CCDC146: variants seen among roughly 807,000 people sequenced by gnomAD.
The protein encoded by CCDC146 is coiled-coil domain containing 146, also known as coiled-coil domain-containing protein 146.
Under a neutral mutation model 119.3 loss-of-function variants are expected in CCDC146, and 92 were observed. The ratio of observed to expected loss-of-function variants is 0.77; its 90% CI spans 0.65 to 0.92. CCDC146 has a LOEUF of 0.92. CCDC146 is among the 40% of genes least tolerant of loss of function. The pLI is 0.00. For missense variants in CCDC146, 1,000 were observed against 1,103.0 expected (o/e 0.91, Z 1.32); for synonymous variants, 372 against 371.8 (o/e 1.00, Z -0.01).
chr7:77,273,542 A>G (rs1793566932), intron 9 of CCDC146, 152 bp from the exon 10 acceptor site: 1 of 339,654 alleles, frequency 2.9e-6, no homozygotes, highest in South Asian at 6.1e-5. Flanking sequence ...TTATTTTCAG[A>G]CAGAGTCTCA....
chr7:77,272,520 T>C (rs1241349986), intron 9 of CCDC146, among the ~76,000 whole-genome samples: 2 of 152,202 alleles, frequency 1.3e-5, no homozygotes, highest in Non-Finnish European at 2.9e-5. Context: ...TTTTGGCCAT[T>C]ATTCAACCTT....
At chr7:77,280,360 A>G in intron 13 of CCDC146, 69 bp from the exon 14 acceptor site, 1 of 1,248,686 alleles carries the variant, frequency 8.0e-7, no homozygotes. Flanking sequence ...TGTGTTTCAG[A>G]AGCCTTCATT....
chr7:77,240,979 TTTG>T, intron 3 of CCDC146, among the ~76,000 whole-genome samples: 2 of 150,000 alleles, frequency 1.3e-5, no homozygotes, highest in African/African-American at 5.0e-5. Context: ...TTTGTTTTTT[TTTG>T]TTTGTTTGTT....
intron 9 of CCDC146, among the ~76,000 whole-genome samples, chr7:77,268,019 A>G (rs1435659923): frequency 1.3e-5 from 2 of 152,208 alleles, no homozygotes; most frequent in African/African-American, 2.4e-5. Flanking sequence ...GGGAGTCTCA[A>G]TAGAGGGTAT....
chr7:77,151,866 A>T (rs1791113234), intron 1 of CCDC146, among the ~76,000 whole-genome samples: 1 of 152,172 alleles, frequency 6.6e-6, no homozygotes. Flanking sequence ...TGTCTGGTCC[A>T]CAAAGCTTTC....
At chr7:77,169,647 C>T (rs1348451940) in intron 2 of CCDC146, among the ~76,000 whole-genome samples, 1 of 152,184 alleles carries the variant, frequency 6.6e-6, no homozygotes, top group Non-Finnish European at 1.5e-5. Context: ...CATTCCTTCT[C>T]ATGCTATCAT....
chr7:77,214,576 A>G (rs1584079481), intron 2 of CCDC146, among the ~76,000 whole-genome samples: 1 of 152,272 alleles, frequency 6.6e-6, no homozygotes, highest in Non-Finnish European at 1.5e-5. Context: ...TCTTACATTC[A>G]AGTCTTTAAT....
At chr7:77,229,056 G>A (rs754932212) in intron 2 of CCDC146, among the ~76,000 whole-genome samples, 44 of 152,162 alleles carry the variant, frequency 2.9e-4, no homozygotes, top group Non-Finnish European at 5.7e-4. Context: ...GTTTTGATTT[G>A]CATTTCTCTA....
chr7:77,292,538 A>G (rs955484091), intron 17 of CCDC146, among the ~76,000 whole-genome samples: 1 of 150,164 alleles, frequency 6.7e-6, no homozygotes, highest in African/African-American at 2.5e-5. Context: ...AATGGCGTGA[A>G]CCTGGGAGGC....
At chr7:77,275,184 A>G (rs1472731583) in intron 11 of CCDC146, among the ~76,000 whole-genome samples, 1 of 152,144 alleles carries the variant, frequency 6.6e-6, no homozygotes, top group Non-Finnish European at 1.5e-5. Flanking sequence ...TAGAGTACTC[A>G]CAGAATACAA....
At chr7:77,201,313 A>C (rs746395968) in intron 2 of CCDC146, among the ~76,000 whole-genome samples, 3 of 151,900 alleles carry the variant, frequency 2.0e-5, no homozygotes, top group Non-Finnish European at 4.4e-5. Context: ...AGGCCGAGGC[A>C]TGTGGATCAC....
intron 2 of CCDC146, among the ~76,000 whole-genome samples, chr7:77,173,565 G>T (rs989527962): frequency 4.6e-5 from 7 of 152,280 alleles, no homozygotes; most frequent in African/African-American, 1.4e-4. Flanking sequence ...GGAGGCAGAG[G>T]TTGCAGTGAG....
chr7:77,208,036 T>C (rs1792111577), intron 2 of CCDC146, among the ~76,000 whole-genome samples: 1 of 152,176 alleles, frequency 6.6e-6, no homozygotes. Context: ...TGTGGTGCTT[T>C]AAGTTGTAGA....
At chr7:77,243,680 T>C (rs936724721) in intron 4 of CCDC146, among the ~76,000 whole-genome samples, 7 of 152,122 alleles carry the variant, frequency 4.6e-5, no homozygotes, top group Non-Finnish European at 7.4e-5. Context: ...TTTCTACTTA[T>C]GAAAAAAATA....
At chr7:77,154,153 G>C (rs1357813015) in intron 1 of CCDC146, among the ~76,000 whole-genome samples, 3 of 152,006 alleles carry the variant, frequency 2.0e-5, no homozygotes, top group Admixed American at 1.3e-4. Context: ...GGGGAGGTCC[G>C]AGGGGTTGAC....
Position 77,196,223 on chromosome 7 carries a change from G to A in CCDC146, c.156+28399G>A, listed in dbSNP as rs755727408. 23 of 1,289,138 alleles carry A rather than the reference G, an allele frequency of 1.8e-5. No individual in the cohort carries two copies. The highest frequency in any genetic ancestry group is 2.4e-5 in the Non-Finnish European group (22 of 919,956). 79.9% of individuals were successfully genotyped at this position (1,289,138 alleles called of 1,614,324 possible). On this transcript the variant is annotated intron_variant, in intron 2 of 18. Transcript: ENST00000285871. This position sits in a 1 kb window ranked among gnomAD's most constrained non-coding sequence, Gnocchi z 4.2. ...GAAACAAGGCATATTCTAAAGTGCT[G>A]AAGGAATTAATTGCCCTATTAGATA...
At chr7:77,205,742 A>G (rs1235632393) in intron 2 of CCDC146, among the ~76,000 whole-genome samples, 1 of 152,232 alleles carries the variant, frequency 6.6e-6, no homozygotes, top group African/African-American at 2.4e-5. Flanking sequence ...TGGGCAATAC[A>G]GTCAGACCCT....
intron 9 of CCDC146, among the ~76,000 whole-genome samples, chr7:77,270,680 G>T (rs1299138999): frequency 6.6e-6 from 1 of 152,140 alleles, no homozygotes; most frequent in Non-Finnish European, 1.5e-5. Context: ...TAATGATTTT[G>T]CTAAATAGGG....
At chr7:77,153,154 G>T (rs936465133) in intron 1 of CCDC146, among the ~76,000 whole-genome samples, 2 of 152,150 alleles carry the variant, frequency 1.3e-5, no homozygotes, top group Non-Finnish European at 2.9e-5. Context: ...AGGAGGAGGT[G>T]GAAGAAGGGA....
Sources: allele counts gnomAD v4.1 joint callset (sites outside exome capture counted in the v4.1 genomes callset), GRCh38; gene constraint gnomAD v4.1.1; non-coding constraint Gnocchi (gnomAD v3.1); transcripts MANE v1.5; gene names NCBI Gene and HGNC (gene_info 2026-07-23, HGNC 2026-07-21).